The following C2CD4A variants were observed in gnomAD, a reference collection of about 807,000 sequenced individuals.
C2CD4A encodes the protein C2 calcium dependent domain containing 4A.
In C2CD4A, 2 loss-of-function variants were observed where a neutral mutation model predicts 0.4. That is an observed-to-expected ratio of 4.45 (90% CI 1.82 to 13.99). The LOEUF is 13.99. Ranked by LOEUF, C2CD4A falls within the 30% of genes most tolerant of loss-of-function variation. C2CD4A has a pLI of 0.04. For missense variants in C2CD4A, 610 were observed against 574.2 expected, an observed-to-expected ratio of 1.06 and a Z score of -0.64; for synonymous variants, 297 against 280.8, an observed-to-expected ratio of 1.06 and a Z score of -0.58.
chr15:62,067,972 T>A lies in C2CD4A; in HGVS notation c.359T>A (p.Leu120His), dbSNP rs1254598572. ...ESPHTRRKES[L>H]LLGGPPAPRP... ...CCGCACACGCGCCGCAAGGAGTCGC[T>A]CCTGCTCGGGGGCCCGCCCGCGCCC... Residue 120 changes from leucine to histidine, a missense_variant, in exon 2 of 2, where the codon CTC (leucine) becomes CAC (histidine). By Grantham distance (99) the Leu-to-His change is moderately conservative. Coordinates refer to ENST00000355522, the MANE Select transcript of C2CD4A (RefSeq NM_207322.3). 6.8e-7 allele frequency: 1 copy of A among 1,480,906 alleles called. No homozygotes were observed. Among genetic ancestry groups the A allele is most frequent in the Admixed American group, 2.3e-5 (1 of 42,566 alleles). 91.7% of individuals were successfully genotyped at this position (1,480,906 alleles called of 1,614,324 possible).
rs1476834930 is a variant in C2CD4A at position 62,067,934 on chromosome 15, G to C, written c.321G>C (p.Ala107=). The stretch of plus-strand genomic sequence containing the variant: ...TGCGCACCGCCTACGGCTTCTGCGC[G>C]CTGCTCGAGAGCCCGCACACGCGCC... ...PRVRTAYGFC[A]LLESPHTRRK... is the part of the protein sequence containing the mutation. Residue 107 remains alanine (A), a synonymous_variant, in exon 2 of 2, where the codon GCG becomes GCC. Coordinates refer to ENST00000355522, the MANE Select transcript of C2CD4A (RefSeq NM_207322.3). 6.4e-7 allele frequency: 1 copy of C among 1,573,440 alleles called. No homozygotes were observed. The highest frequency in any genetic ancestry group is 1.1e-5 in the South Asian group (1 of 87,918).
In C2CD4A at chr15:62,070,751, T is replaced by C. The variant is rs1045742086; in HGVS notation, c.*2028T>C. ...ATGATGACATAGAGTAGTTCAGATC[T>C]ATCATGTGCTCTTCTATCTAATCAG... On this transcript the variant is annotated 3_prime_UTR_variant, in exon 2 of 2. Transcript: ENST00000355522. The C allele has an allele frequency of 8.1e-6, 3 of 368,256 alleles. No individual in the cohort carries two copies. In the East Asian group the frequency reaches 1.2e-4, roughly 15 times the overall value. The allele number at this position is 368,256 out of a possible 1,614,324, so 22.8% of individuals were successfully genotyped here.
In C2CD4A at chr15:62,068,028, G is replaced by T; in HGVS notation, c.415G>T (p.Gly139Cys). 4.7e-6 allele frequency: 6 copies of T among 1,276,674 alleles called. No individual in the cohort carries two copies. Among genetic ancestry groups the T allele is most frequent in the Non-Finnish European group, 5.9e-6 (6 of 1,019,950 alleles). The allele number at this position is 1,276,674 out of a possible 1,614,324, so 79.1% of individuals were successfully genotyped here. ...RPRAHTYGGG[G>C]GPDALLGTLR... Reference sequence around the variant, plus strand: ...CCGGGCCCACACCTACGGCGGCGGCGGCGGCCCGGACGCCCTCCTGGGGAC... The same window carrying T: ...CCGGGCCCACACCTACGGCGGCGGCTGCGGCCCGGACGCCCTCCTGGGGAC... The change falls in exon 2 of 2, where the codon GGC (glycine) becomes TGC (cysteine). Residue 139 changes from glycine to cysteine, a missense_variant. Physicochemically the swap from Gly to Cys is radical, Grantham distance 159 (BLOSUM62 -3). Coordinates refer to ENST00000355522, the MANE Select transcript of C2CD4A (RefSeq NM_207322.3).
In C2CD4A at chr15:62,068,271, T is replaced by C; in HGVS notation, c.658T>C (p.Ser220Pro). ...CGAGGACAAGGAGCGCCGCGCGGGC[T>C]CCCAGTCCCCGGCCCGGGCCCCCTC... Reference protein sequence around the residue: ...GNEDKERRAGSQSPARAPSTS... With the variant: ...GNEDKERRAGPQSPARAPSTS... The change falls in exon 2 of 2, where the codon TCC (serine) becomes CCC (proline). Residue 220 changes from serine to proline, a missense_variant. Transcript: ENST00000355522. 7.2e-7 allele frequency: 1 copy of C among 1,381,646 alleles called. No individual in the cohort carries two copies. Among genetic ancestry groups the C allele is most frequent in the East Asian group, 3.1e-5 (1 of 31,924 alleles). The allele number at this position is 1,381,646 out of a possible 1,614,324, so 85.6% of individuals were successfully genotyped here. A position where few individuals can be genotyped will look rare whatever the true frequency, so the allele number is the denominator to read the frequency against.
At position 62,069,962 on chromosome 15, in the gene C2CD4A, G is replaced by A. The variant is rs750833594; in HGVS notation, c.*1239G>A. The A allele has an allele frequency of 1.5e-5, 3 of 197,932 alleles. No individual in the cohort carries two copies. Among genetic ancestry groups the A allele is most frequent in the Non-Finnish European group, 3.4e-5 (3 of 89,440 alleles). 12.3% of individuals were successfully genotyped at this position (197,932 alleles called of 1,614,324 possible). On this transcript the variant is annotated 3_prime_UTR_variant, in exon 2 of 2. Transcript: ENST00000355522. ...TGAGCTGATGGGTCTAAAGCTCTGA[G>A]GAGGAAGCTAACCGGCCTCAGAATC...
rs2049063362 is a variant in C2CD4A at position 62,068,600 on chromosome 15, C to T, written c.987C>T (p.Leu329=). The T allele has an allele frequency of 5.1e-6, 8 of 1,567,546 alleles. No individual in the cohort carries two copies. The highest frequency in any genetic ancestry group is 1.9e-5 in the Admixed American group (1 of 53,208). ...ACCAGGACTTCTGCTTCGACGGCCTCTCGGAGGACGAAGTGCGCCGCCTGG... is the reference window on the plus strand; with the variant it reads ...ACCAGGACTTCTGCTTCGACGGCCTTTCGGAGGACGAAGTGCGCCGCCTGG... ...SFDQDFCFDG[L]SEDEVRRLAV... The change falls in exon 2 of 2, where the codon CTC becomes CTT. Residue 329 remains leucine, a synonymous_variant. Coordinates refer to ENST00000355522, the MANE Select transcript of C2CD4A (RefSeq NM_207322.3).
In C2CD4A at chr15:62,068,552, G is replaced by C; in HGVS notation, c.939G>C (p.Gly313=). 6.4e-7 allele frequency: 1 copy of C among 1,567,518 alleles called. No individual in the cohort carries two copies. The highest frequency in any genetic ancestry group is 1.4e-5 in the African/African-American group (1 of 74,006). ...TALRQCSTVV[G]RSRKASFDQD... ...TTCGGCAATGCAGCACTGTGGTGGG[G>C]CGCAGCCGCAAGGCCTCCTTTGACC... Residue 313 remains glycine, a synonymous_variant, in exon 2 of 2, where the codon GGG becomes GGC. Coordinates refer to ENST00000355522, the MANE Select transcript of C2CD4A (RefSeq NM_207322.3).
rs199710631 is a variant in C2CD4A at position 62,067,923 on chromosome 15, G to C, written c.310G>C (p.Gly104Arg). ...PHLPRVRTAY[G>R]FCALLESPHT... The stretch of plus-strand genomic sequence containing the variant: ...CCTGCCCCGTGTGCGCACCGCCTAC[G>C]GCTTCTGCGCGCTGCTCGAGAGCCC... Residue 104 changes from glycine (G) to arginine (R), a missense_variant, in exon 2 of 2, where the codon GGC (glycine) becomes CGC (arginine). By Grantham distance (125) the Gly-to-Arg change is moderately radical. Coordinates refer to ENST00000355522, the MANE Select transcript of C2CD4A (RefSeq NM_207322.3). 1,659 of 1,584,948 alleles carry C rather than the reference G, an allele frequency of 1.0e-3. 1 individual carries two copies. The highest frequency in any genetic ancestry group is 1.3e-3 in the Non-Finnish European group (1,481 of 1,172,174).
In C2CD4A at chr15:62,067,872, T is replaced by G. The variant is rs904766745; in HGVS notation, c.259T>G (p.Ser87Ala). ...CGGCCGCACAGACTGGGACCCGCGC[T>G]CGCAGGCCGCGCTGTCACTGCCGCA... is the stretch of plus-strand genomic sequence containing the variant. Reference protein sequence around the residue: ...GAGRTDWDPRSQAALSLPHLP... With the variant: ...GAGRTDWDPRAQAALSLPHLP... Residue 87 changes from serine (S) to alanine (A), a missense_variant, in exon 2 of 2, where the codon TCG (serine) becomes GCG (alanine). Physicochemically the swap from Ser to Ala is moderately conservative, Grantham distance 99. Coordinates refer to ENST00000355522, the MANE Select transcript of C2CD4A (RefSeq NM_207322.3). 5 of 1,606,308 alleles carry G rather than the reference T, an allele frequency of 3.1e-6. No homozygotes were observed. Among genetic ancestry groups the G allele is most frequent in the Non-Finnish European group, 4.2e-6 (5 of 1,178,980 alleles).
chr15:62,068,356 T>A lies in C2CD4A; in HGVS notation c.743T>A (p.Val248Glu). Residue 248 changes from valine (V) to glutamate (E), a missense_variant, in exon 2 of 2, where the codon GTG becomes GAG. Physicochemically the swap from Val to Glu is moderately radical, Grantham distance 121. Transcript: ENST00000355522. ...GAGCGCCTGGAGGCCGAGGGCACCG[T>A]GGCTCTGGGCCGCGCCGGCGACGCC... ...FPERLEAEGTVALGRAGDALR... is the reference protein window; with the variant it reads ...FPERLEAEGTEALGRAGDALR... 1 of 1,399,382 alleles carries A rather than the reference T, an allele frequency of 7.1e-7. No individual in the cohort carries two copies. The highest frequency in any genetic ancestry group is 9.3e-7 in the Non-Finnish European group (1 of 1,078,100). The allele number at this position is 1,399,382 out of a possible 1,614,324, so 86.7% of individuals were successfully genotyped here.
Position 62,067,838 on chromosome 15 carries a change from C to T in C2CD4A, c.225C>T (p.Asp75=), listed in dbSNP as rs371100300. 1.4e-5 allele frequency: 23 copies of T among 1,610,244 alleles called. No individual in the cohort carries two copies. Among genetic ancestry groups the T allele is most frequent in the Non-Finnish European group, 1.9e-5 (23 of 1,179,706 alleles). Residue 75 remains aspartate (D), a synonymous_variant, in exon 2 of 2, where the codon GAC becomes GAT. Transcript: ENST00000355522. The part of the protein sequence containing the change: ...RNSWVEEAGM[D]EGAGRTDWDP... ...CTTGGGTCGAAGAAGCAGGGATGGA[C>T]GAGGGCGCCGGCCGCACAGACTGGG...
chr15:62,067,837 A>G lies in C2CD4A; in HGVS notation c.224A>G (p.Asp75Gly). Residue 75 changes from aspartate (D) to glycine (G), a missense_variant, in exon 2 of 2, where the codon GAC (aspartate) becomes GGC (glycine). Asp to Gly is a moderately conservative substitution (Grantham distance 94). Transcript: ENST00000355522. Reference protein sequence around the residue: ...RNSWVEEAGMDEGAGRTDWDP... With the variant: ...RNSWVEEAGMGEGAGRTDWDP... ...TCTTGGGTCGAAGAAGCAGGGATGG[A>G]CGAGGGCGCCGGCCGCACAGACTGG... 1 of 1,610,518 alleles carries G rather than the reference A, an allele frequency of 6.2e-7. No homozygotes were observed. The highest frequency in any genetic ancestry group is 8.5e-7 in the Non-Finnish European group (1 of 1,179,734).
Position 62,068,352 on chromosome 15 carries a change from ACCGTGGCTCTGGGCCGCGCCGGCGACG to A in C2CD4A, c.742_768del (p.Val248_Ala256del), listed in dbSNP as rs2049061128. 1 of 1,400,128 alleles carries A rather than the reference ACCGTGGCTCTGGGCCGCGCCGGCGACG, an allele frequency of 7.1e-7. No homozygotes were observed. Among genetic ancestry groups the A allele is most frequent in the Admixed American group, 2.8e-5 (1 of 35,382 alleles). 86.7% of individuals were successfully genotyped at this position (1,400,128 alleles called of 1,614,324 possible). On this transcript the variant is annotated inframe_deletion, in exon 2 of 2. Transcript: ENST00000355522. ...TCCCGAGCGCCTGGAGGCCGAGGGC[ACCGTGGCTCTGGGCCGCGCCGGCGACG>A]CCCTGCGCCTGGCCGCCGAGTACTG...
At position 62,068,468 on chromosome 15, in the gene C2CD4A, C is replaced by T. The variant is rs898608075; in HGVS notation, c.855C>T (p.Pro285=). 6.9e-6 allele frequency: 10 copies of T among 1,446,342 alleles called. No individual in the cohort carries two copies. The Admixed American group carries it at 2.2e-4, about 32-fold the overall frequency. 89.6% of individuals were successfully genotyped at this position (1,446,342 alleles called of 1,614,324 possible). A position where few individuals can be genotyped will look rare whatever the true frequency, so the allele number is the denominator to read the frequency against. ...LRAESPAGGA[P]GPRAVSCRLS... is the part of the protein sequence containing the mutation. ...CCGAGAGCCCGGCCGGAGGCGCCCC[C>T]GGGCCCCGAGCCGTCAGCTGTCGCC... The change falls in exon 2 of 2, where the codon CCC becomes CCT. Residue 285 remains proline (P), a synonymous_variant. Transcript: ENST00000355522.
rs995788400 is a variant in C2CD4A at position 62,068,093 on chromosome 15, G to T, written c.480G>T (p.Ala160=). ...VPRAPGPATP[A]APGCPRPPQD... is the part of the protein sequence containing the mutation. ...GAGCTCCGGGCCCGGCGACCCCCGCGGCCCCCGGCTGTCCCCGCCCGCCCC... is the reference window on the plus strand; with the variant it reads ...GAGCTCCGGGCCCGGCGACCCCCGCTGCCCCCGGCTGTCCCCGCCCGCCCC... The change falls in exon 2 of 2, where the codon GCG becomes GCT. Residue 160 remains alanine (A), a synonymous_variant. Coordinates refer to ENST00000355522, the MANE Select transcript of C2CD4A (RefSeq NM_207322.3). 59 of 1,134,156 alleles carry T rather than the reference G, an allele frequency of 5.2e-5. No homozygotes were observed. The East Asian group carries it at 2.8e-3, about 54-fold the overall frequency. 70.3% of individuals were successfully genotyped at this position (1,134,156 alleles called of 1,614,324 possible).
chr15:62,067,848 G>A lies in C2CD4A; in HGVS notation c.235G>A (p.Gly79Ser). 1.2e-6 allele frequency: 2 copies of A among 1,609,702 alleles called. No individual in the cohort carries two copies. The highest frequency in any genetic ancestry group is 1.7e-6 in the Non-Finnish European group (2 of 1,179,616). Residue 79 changes from glycine to serine, a missense_variant, in exon 2 of 2, where the codon GGC (glycine) becomes AGC (serine). Coordinates refer to ENST00000355522, the MANE Select transcript of C2CD4A (RefSeq NM_207322.3). ...VEEAGMDEGAGRTDWDPRSQA... is the reference protein window; with the variant it reads ...VEEAGMDEGASRTDWDPRSQA... ...AGAAGCAGGGATGGACGAGGGCGCC[G>A]GCCGCACAGACTGGGACCCGCGCTC...
Position 62,068,438 on chromosome 15 carries a change from C to T in C2CD4A, c.825C>T (p.Leu275=), listed in dbSNP as rs373221857. The change falls in exon 2 of 2, where the codon CTC becomes CTT. Residue 275 remains leucine, a synonymous_variant. Transcript: ENST00000355522. ...CCGGGCGGCTCCGCCTCCGGCTGCT[C>T]CGCGCCGAGAGCCCGGCCGGAGGCG... is the stretch of plus-strand genomic sequence containing the variant. ...PGTGRLRLRL[L]RAESPAGGAP... 4 of 1,414,986 alleles carry T rather than the reference C, an allele frequency of 2.8e-6. No individual in the cohort carries two copies. Among genetic ancestry groups the T allele is most frequent in the Non-Finnish European group, 2.7e-6 (3 of 1,094,012 alleles). The allele number at this position is 1,414,986 out of a possible 1,614,324, so 87.7% of individuals were successfully genotyped here.
chr15:62,067,459 C>A, intron 1 of C2CD4A, 126 bp from the exon 2 acceptor site: 1 of 743,176 alleles, frequency 1.3e-6, no homozygotes, highest in Non-Finnish European at 2.1e-6. Flanking sequence ...CAAGCAAGAG[C>A]AGTTTGCCTT....
chr15:62,067,691 C>T lies in C2CD4A; in HGVS notation c.78C>T (p.Ala26=), dbSNP rs527930020. 2.1e-5 allele frequency: 33 copies of T among 1,608,350 alleles called. No homozygotes were observed. Among genetic ancestry groups the T allele is most frequent in the Non-Finnish European group, 2.7e-5 (32 of 1,179,866 alleles). Residue 26 remains alanine (A), a synonymous_variant, in exon 2 of 2, where the codon GCC becomes GCT. Transcript: ENST00000355522. ...GAGACTGGCTTCTCCCGGGTCGGGCCCGCGGAGCCAAGTCTCGCACCACCG... is the reference window on the plus strand; with the variant it reads ...GAGACTGGCTTCTCCCGGGTCGGGCTCGCGGAGCCAAGTCTCGCACCACCG... ...RSGDWLLPGR[A]RGAKSRTTAA... is the part of the protein sequence containing the mutation.
Sources: gnomAD v4.1 joint callset for allele counts on GRCh38, gnomAD v4.1.1 for gene constraint, MANE v1.5 for transcripts, NCBI Gene and HGNC (gene_info 2026-07-23, HGNC 2026-07-21) for gene names.